TGFB2: variants seen among roughly 807,000 people sequenced by gnomAD.
TGFB2 encodes transforming growth factor beta 2, also known as transforming growth factor beta-2 proprotein.
A neutral mutation model predicts 42.7 loss-of-function variants in TGFB2; 13 were observed. The ratio of observed to expected loss-of-function variants is 0.30; its 90% confidence interval spans 0.20 to 0.48. The LOEUF is 0.48. Among genes scored for constraint, TGFB2 ranks in the 20% least tolerant of loss-of-function variants. The probability of loss-of-function intolerance (pLI) is 0.99; values close to 1 mark genes in which losing one functional copy is unlikely to be tolerated. For synonymous variants in TGFB2, 193 were observed against 193.6 expected, an observed-to-expected ratio of 1.00 and a Z score of 0.03; for missense variants, 390 against 517.5, an observed-to-expected ratio of 0.75 and a Z score of 2.39.
chr1:218,427,837 G>A (rs1321096613), intron 2 of TGFB2, among the ~76,000 whole-genome samples: 2 of 152,120 alleles, frequency 1.3e-5, no homozygotes, highest in African/African-American at 2.4e-5. Flanking sequence ...ATAATCCTTT[G>A]GGTATATACC....
At chr1:218,369,414 G>A (rs1359479192) in intron 1 of TGFB2, among the ~76,000 whole-genome samples, 1 of 152,090 alleles carries the variant, frequency 6.6e-6, no homozygotes, top group Non-Finnish European at 1.5e-5. Flanking sequence ...CCTGCCTTAT[G>A]CTGAGTTTTT....
Position 218,375,183 on chromosome 1 carries a change from G to T in TGFB2, c.346+28136G>T, listed in dbSNP as rs150004021. 4.9e-4 allele frequency among the ~76,000 whole-genome samples: 74 copies of T among 152,056 alleles called. No homozygotes were observed. The East Asian group carries it at 0.013, about 28-fold the overall frequency. ...TCTTTTGCTTTGTATAACAGACGGT[G>T]GTCCCTTCCTTTAAACTTTGTGAAG... is the stretch of plus-strand genomic sequence containing the variant. On this transcript the variant is annotated intron_variant, in intron 1 of 6. Transcript: ENST00000366930.
intron 1 of TGFB2, among the ~76,000 whole-genome samples, chr1:218,388,700 T>G (rs1006308783): frequency 6.6e-6 from 1 of 152,130 alleles, no homozygotes; most frequent in African/African-American, 2.4e-5. Context: ...TTCTCCATCC[T>G]GGTCCCTTCC....
chr1:218,427,961 G>C lies in TGFB2; in HGVS notation c.511-6121G>C, dbSNP rs1357833897. Among the ~76,000 whole-genome samples, 3 of 152,158 alleles carry C rather than the reference G, an allele frequency of 2.0e-5. 1 individual carries two copies. Among genetic ancestry groups the C allele is most frequent in the South Asian group, 4.1e-4 (2 of 4,822 alleles). On this transcript the variant is annotated intron_variant, in intron 2 of 6. Coordinates refer to ENST00000366930, the MANE Select transcript of TGFB2 (RefSeq NM_003238.6). ...TTACAGTCCCACCAACAGTGTAAAA[G>C]TGTTCCTATTTCTCCACATCCTCTC...
At chr1:218,402,675 A>G (rs1658766180) in intron 1 of TGFB2, among the ~76,000 whole-genome samples, 1 of 152,218 alleles carries the variant, frequency 6.6e-6, no homozygotes, top group Non-Finnish European at 1.5e-5. Flanking sequence ...GTGAAAGTGG[A>G]AGAGGCCTGC....
At chr1:218,436,297 C>T in intron 5 of TGFB2, 150 bp downstream of exon 5, 1 of 720,812 alleles carries the variant, frequency 1.4e-6, no homozygotes. Context: ...TAATACCATT[C>T]TTCCCAGAGG....
intron 2 of TGFB2, among the ~76,000 whole-genome samples, chr1:218,428,610 T>C (rs1409253224): frequency 6.6e-6 from 1 of 152,238 alleles, no homozygotes; most frequent in African/African-American, 2.4e-5. Flanking sequence ...CTCCATTTCT[T>C]GTTTTTGTCA....
intron 2 of TGFB2, among the ~76,000 whole-genome samples, chr1:218,413,322 G>A (rs1394970662): frequency 1.3e-5 from 2 of 150,862 alleles, no homozygotes; most frequent in African/African-American, 4.9e-5. Context: ...GCAGTGAGCC[G>A]AGATCACACA....
intron 1 of TGFB2, among the ~76,000 whole-genome samples, chr1:218,390,596 A>C (rs184474493): frequency 6.6e-6 from 1 of 152,290 alleles, no homozygotes; most frequent in African/African-American, 2.4e-5. Flanking sequence ...TTAAAATAAC[A>C]CATACTTAAA....
At chr1:218,408,849 C>A (rs1484147865) in intron 2 of TGFB2, among the ~76,000 whole-genome samples, 5 of 152,092 alleles carry the variant, frequency 3.3e-5, no homozygotes, top group African/African-American at 1.2e-4. Flanking sequence ...CAGAGCATTA[C>A]TTTTATTGTG....
At chr1:218,432,608 C>G (rs7515763) in intron 2 of TGFB2, among the ~76,000 whole-genome samples, 3,187 of 152,284 alleles carry the variant, frequency 0.021, 133 homozygotes, top group African/African-American at 0.074. Flanking sequence ...AAAGATGATG[C>G]ATTTTTGTTT....
At chr1:218,404,936 G>T (rs1658856861) in intron 1 of TGFB2, among the ~76,000 whole-genome samples, 1 of 152,198 alleles carries the variant, frequency 6.6e-6, no homozygotes. Flanking sequence ...GCTTTCAAAT[G>T]GAGTTGGAAG....
chr1:218,392,367 A>G (rs939656609), intron 1 of TGFB2, among the ~76,000 whole-genome samples: 21 of 152,160 alleles, frequency 1.4e-4, no homozygotes, highest in African/African-American at 4.8e-4. Flanking sequence ...CAAACAAACA[A>G]ACAAACAAAC....
At chr1:218,407,154 G>A (rs963417763) in intron 2 of TGFB2, among the ~76,000 whole-genome samples, 5 of 152,178 alleles carry the variant, frequency 3.3e-5, no homozygotes, top group African/African-American at 1.2e-4. Context: ...CTAGAATGCA[G>A]TGGTGCAGTC....
At chr1:218,378,262 C>T (rs1224903803) in intron 1 of TGFB2, among the ~76,000 whole-genome samples, 10 of 152,166 alleles carry the variant, frequency 6.6e-5, no homozygotes, top group South Asian at 6.2e-4. Context: ...CTGCAACCTC[C>T]GCCTCCCGGG....
intron 6 of TGFB2, 107 bp from the exon 7 acceptor site, chr1:218,441,097 C>A: frequency 1.9e-6 from 2 of 1,028,532 alleles, no homozygotes; most frequent in Non-Finnish European, 2.8e-6. Flanking sequence ...TTTTAAATTG[C>A]CTACTCAGTG....
rs562629971 is a variant in TGFB2, at chr1:218,352,057, G to T, written c.346+5010G>T. Among the ~76,000 whole-genome samples the T allele has an allele frequency of 3.3e-5, 5 of 152,172 alleles. No individual in the cohort carries two copies. In the East Asian group the frequency reaches 9.7e-4, roughly 30 times the overall value. On this transcript the variant is annotated intron_variant, in intron 1 of 6. Coordinates refer to ENST00000366930, the MANE Select transcript of TGFB2 (RefSeq NM_003238.6). ...CCTGGCCCTGGGAGAGGTGTGCAGGGTCACCACTGGAGTGGGACTCTGGCC... is the reference window on the plus strand; with the variant it reads ...CCTGGCCCTGGGAGAGGTGTGCAGGTTCACCACTGGAGTGGGACTCTGGCC...
chr1:218,423,426 A>G (rs1214864975), intron 2 of TGFB2, among the ~76,000 whole-genome samples: 2 of 152,212 alleles, frequency 1.3e-5, no homozygotes, highest in Admixed American at 6.5e-5. Flanking sequence ...AACTAGGGAA[A>G]GGGACCTGAC....
chr1:218,431,874 A>C (rs946705105), intron 2 of TGFB2, among the ~76,000 whole-genome samples: 17 of 152,204 alleles, frequency 1.1e-4, no homozygotes, highest in South Asian at 1.0e-3. Flanking sequence ...TACTTTCCCA[A>C]CTGGGAGTAT....
Sources: gnomAD v4.1 joint callset for allele counts (sites outside exome capture counted in the v4.1 genomes callset) on GRCh38, gnomAD v4.1.1 for gene constraint, MANE v1.5 for transcripts, NCBI Gene and HGNC (gene_info 2026-07-23, HGNC 2026-07-21) for gene names.